Variants in SULF2 observed in about 807,000 individuals in gnomAD.
The protein encoded by SULF2 is sulfatase 2.
In SULF2, 52 loss-of-function variants were observed where a neutral mutation model predicts 107.7. The ratio of observed to expected loss-of-function variants is 0.48; its 90% confidence interval spans 0.39 to 0.61. The LOEUF (loss-of-function observed/expected upper bound fraction) is 0.61, where lower values mean the gene tolerates loss of function less well. Among genes scored for constraint, SULF2 ranks in the 20% least tolerant of loss-of-function variants. The pLI is 0.00. For missense variants in SULF2, 993 were observed against 1,177.3 expected (o/e 0.84, Z 2.29); for synonymous variants, 460 against 464.3 (o/e 0.99, Z 0.12).
intron 4 of SULF2, among the ~76,000 whole-genome samples, chr20:47,697,883 A>G (rs1466404832): frequency 2.0e-5 from 3 of 152,180 alleles, no homozygotes; most frequent in Non-Finnish European, 4.4e-5. Flanking sequence ...GAGGGAATGT[A>G]TTTTTCAGGA....
intron 2 of SULF2, among the ~76,000 whole-genome samples, chr20:47,755,732 AC>A (rs1050085308): frequency 6.6e-6 from 1 of 151,944 alleles, no homozygotes; most frequent in Non-Finnish European, 1.5e-5. Flanking sequence ...TCCTGTTAGA[AC>A]CTAAGTGAGG....
chr20:47,664,243 T>C, intron 14 of SULF2, 54 bp from the exon 15 acceptor site: 1 of 1,555,258 alleles, frequency 6.4e-7, no homozygotes, highest in South Asian at 1.2e-5. Context: ...AGGGCTCCGC[T>C]GGCAGGTGCA....
At chr20:47,699,312 G>A (rs927117487) in intron 4 of SULF2, among the ~76,000 whole-genome samples, 1 of 151,920 alleles carries the variant, frequency 6.6e-6, no homozygotes, top group Non-Finnish European at 1.5e-5. Flanking sequence ...ACTTGTTGGG[G>A]GTGGTGAATG....
rs1476814957 is a variant in SULF2 at position 47,678,440 on chromosome 20, A to G, written c.1193+236T>C. 3.7e-6 allele frequency: 2 copies of G among 536,118 alleles called. No individual in the cohort carries two copies. The highest frequency in any genetic ancestry group is 6.8e-6 in the Non-Finnish European group (2 of 295,706). 33.2% of individuals were successfully genotyped at this position (536,118 alleles called of 1,614,324 possible). ...ATCATTTCAAGCTTTGGGTAATTTT[A>G]GCTCAGAGAAGGTCCCCAACTGGTC... On this transcript the variant is annotated intron_variant, in intron 8 of 20. Transcript: ENST00000688720. This position sits in a 1 kb window ranked among gnomAD's most constrained non-coding sequence, Gnocchi z 4.5.
intron 2 of SULF2, among the ~76,000 whole-genome samples, chr20:47,748,104 C>G (rs996151180): frequency 6.6e-6 from 1 of 152,188 alleles, no homozygotes; most frequent in Non-Finnish European, 1.5e-5. Context: ...GACCTTCCAT[C>G]GGGCATGCAA....
chr20:47,722,740 T>A (rs112554039), intron 3 of SULF2, among the ~76,000 whole-genome samples: 2,901 of 152,170 alleles, frequency 0.019, 96 homozygotes, highest in African/African-American at 0.066. Context: ...GAGACCAGCC[T>A]GGCCAATATG....
chr20:47,725,390 C>A (rs983665610), intron 3 of SULF2, among the ~76,000 whole-genome samples: 4 of 152,184 alleles, frequency 2.6e-5, no homozygotes, highest in African/African-American at 9.7e-5. Flanking sequence ...GTAGGAAACT[C>A]AGAAGCTATG....
chr20:47,756,695 G>C (rs1490482349), intron 2 of SULF2, among the ~76,000 whole-genome samples: 1 of 147,932 alleles, frequency 6.8e-6, no homozygotes, highest in Non-Finnish European at 1.5e-5. Context: ...ACCCAGGCTG[G>C]AGTGTAGTGG....
chr20:47,745,472 C>CT (rs2090014956), intron 2 of SULF2, among the ~76,000 whole-genome samples: 2 of 103,862 alleles, frequency 1.9e-5, no homozygotes, highest in African/African-American at 3.5e-5. Context: ...TACACACACA[C>CT]TTTTTTAGTT....
At chr20:47,716,995 C>A (rs908834227) in intron 3 of SULF2, among the ~76,000 whole-genome samples, 1 of 151,934 alleles carries the variant, frequency 6.6e-6, no homozygotes, top group African/African-American at 2.4e-5. Context: ...GGGTGACAAG[C>A]GAGACCCTAT....
In SULF2 at chr20:47,688,137, C is replaced by T. The variant is rs74382454; in HGVS notation, c.737+1989G>A. Among the ~76,000 whole-genome samples the T allele has an allele frequency of 8.7e-3, 1,329 of 152,156 alleles. 19 individuals carry two copies. Among genetic ancestry groups the T allele is most frequent in the African/African-American group, 0.03 (1,250 of 41,494 alleles). ...GCCTGCCCCAGGAAAGGGCATGTGC[C>T]GGCTTTCTAGGGGAGAGATGGGATA... is the stretch of plus-strand genomic sequence containing the variant. On this transcript the variant is annotated intron_variant, in intron 5 of 20. Coordinates refer to ENST00000688720, the MANE Select transcript of SULF2 (RefSeq NM_001387048.1).
chr20:47,712,900 T>C (rs537154101), intron 3 of SULF2, among the ~76,000 whole-genome samples: 1 of 152,198 alleles, frequency 6.6e-6, no homozygotes, highest in South Asian at 2.1e-4. Context: ...CCAGGTGTGG[T>C]GCTGCACGCC....
At chr20:47,673,030 G>A (rs982408721) in intron 10 of SULF2, among the ~76,000 whole-genome samples, 1 of 152,174 alleles carries the variant, frequency 6.6e-6, no homozygotes, top group Non-Finnish European at 1.5e-5. Context: ...GAGGCTCCAC[G>A]TGTGCACTCA....
At chr20:47,672,596 C>T (rs926699049) in intron 10 of SULF2, 33 of 971,030 alleles carry the variant, frequency 3.4e-5, no homozygotes, top group Non-Finnish European at 4.0e-5. Flanking sequence ...CATCCCCCAG[C>T]GAGATGCCTC....
intron 3 of SULF2, among the ~76,000 whole-genome samples, chr20:47,727,537 T>A (rs909262246): frequency 4.6e-5 from 7 of 152,176 alleles, no homozygotes; most frequent in African/African-American, 1.7e-4. Flanking sequence ...GGGAAGTGGA[T>A]ACACCTGCTA....
intron 4 of SULF2, among the ~76,000 whole-genome samples, chr20:47,695,122 C>G (rs1259787429): frequency 6.6e-6 from 1 of 152,208 alleles, no homozygotes. Context: ...CTGCAGGCCC[C>G]CTGTCTCTGT....
chr20:47,661,191 CCT>C (rs1247922161), intron 18 of SULF2, among the ~76,000 whole-genome samples: 3 of 152,108 alleles, frequency 2.0e-5, no homozygotes, highest in Admixed American at 6.5e-5. Context: ...GGCTGCACCC[CCT>C]GAGCTGCTTT....
chr20:47,761,601 C>T (rs1439275701), intron 1 of SULF2, among the ~76,000 whole-genome samples: 8 of 152,234 alleles, frequency 5.3e-5, no homozygotes, highest in East Asian at 1.9e-4. Flanking sequence ...CCAGGCTTCG[C>T]GTGCCCTCGC....
chr20:47,706,935 C>G (rs1454587967), intron 3 of SULF2: 1 of 152,058 alleles, frequency 6.6e-6, no homozygotes, highest in African/African-American at 2.4e-5. Context: ...ATTTAATAAG[C>G]CCCCACATAA....
Sources: gnomAD v4.1 joint callset for allele counts (sites outside exome capture counted in the v4.1 genomes callset) on GRCh38, gnomAD v4.1.1 for gene constraint, Gnocchi (gnomAD v3.1) non-coding constraint, MANE v1.5 for transcripts, NCBI Gene and HGNC (gene_info 2026-07-23, HGNC 2026-07-21) for gene names.